The following ADGRL2 variants were observed in gnomAD, a reference collection of about 807,000 sequenced individuals.
The protein encoded by ADGRL2 is adhesion G protein-coupled receptor L2.
Under a neutral mutation model 157.4 loss-of-function variants are expected in ADGRL2, and 44 were observed. The observed-to-expected ratio is 0.28, with a 90% CI of 0.22 to 0.36. ADGRL2 has a LOEUF of 0.36. ADGRL2 is among the 10% of genes least tolerant of loss of function. The pLI is 1.00. For missense variants in ADGRL2, 1,510 were observed against 1,768.9 expected (o/e 0.85, Z 2.63); for synonymous variants, 585 against 624.7 (o/e 0.94, Z 0.95).
intron 2 of ADGRL2, among the ~76,000 whole-genome samples, chr1:81,484,282 G>C (rs1348836504): frequency 1.3e-5 from 2 of 152,046 alleles, no homozygotes; most frequent in Non-Finnish European, 2.9e-5. Flanking sequence ...CTCCTTTCTA[G>C]TTCCAACAAC....
At chr1:81,353,538 A>G (rs1184419447) in intron 1 of ADGRL2, among the ~76,000 whole-genome samples, 1 of 152,160 alleles carries the variant, frequency 6.6e-6, no homozygotes, top group African/African-American at 2.4e-5. Context: ...TTTAAAGACC[A>G]AAACAAGGAA....
intron 1 of ADGRL2, among the ~76,000 whole-genome samples, chr1:81,390,349 G>T (rs1485096004): frequency 6.6e-6 from 1 of 152,310 alleles, no homozygotes; most frequent in Non-Finnish European, 1.5e-5. Flanking sequence ...GAAGAAACTT[G>T]GGAGAGCTGC....
At position 81,528,646 on chromosome 1, in the gene ADGRL2, CAAAAAA is replaced by C. The variant is rs59842382; in HGVS notation, c.-247-52206_-247-52201del. On this transcript the variant is annotated intron_variant, in intron 2 of 24. Transcript: ENST00000370721. ...TGGGCAAAAAAGTGAGACTCCATCT[CAAAAAA>C]AAAAAAAAAAAAAAAAAAAAAAAGA... is the stretch of plus-strand genomic sequence containing the variant. Among the ~76,000 whole-genome samples the C allele has an allele frequency of 2.4e-4, 28 of 114,656 alleles. 1 individual carries two copies. The highest frequency in any genetic ancestry group is 1.0e-3 in the African/African-American group (27 of 26,432). 75.2% of individuals were successfully genotyped at this position (114,656 alleles called of 152,430 possible).
chr1:81,690,774 G>C (rs2083315884), intron 3 of ADGRL2, among the ~76,000 whole-genome samples: 1 of 152,056 alleles, frequency 6.6e-6, no homozygotes, highest in Non-Finnish European at 1.5e-5. Context: ...GATTCCTAAA[G>C]TTATAGAGTA....
intron 1 of ADGRL2, among the ~76,000 whole-genome samples, chr1:81,350,302 A>G (rs951319372): frequency 2.0e-5 from 3 of 152,246 alleles, no homozygotes; most frequent in South Asian, 4.1e-4. Context: ...ATGTTCAGAC[A>G]ATAATTCATC....
intron 1 of ADGRL2, among the ~76,000 whole-genome samples, chr1:81,421,799 G>A (rs949076286): frequency 2.0e-5 from 3 of 151,746 alleles, no homozygotes; most frequent in Non-Finnish European, 4.4e-5. Flanking sequence ...CCTCTTTTTG[G>A]CATACAACAG....
chr1:81,337,136 C>A (rs1661703458), intron 1 of ADGRL2, among the ~76,000 whole-genome samples: 1 of 152,184 alleles, frequency 6.6e-6, no homozygotes, highest in African/African-American at 2.4e-5. Context: ...AGCTCTCCAT[C>A]CCTTCCCACC....
intron 2 of ADGRL2, among the ~76,000 whole-genome samples, chr1:81,778,122 C>A (rs1462589351): frequency 6.6e-6 from 1 of 152,210 alleles, no homozygotes; most frequent in South Asian, 2.1e-4. Context: ...AGATGGAGAC[C>A]ATTTTGGCTA....
intron 2 of ADGRL2, among the ~76,000 whole-genome samples, chr1:81,487,091 C>A (rs79020303): frequency 9.4e-3 from 797 of 85,034 alleles, no homozygotes; most frequent in African/African-American, 0.014. Flanking sequence ...CTCATCTCTA[C>A]AAAAAAAAAA....
chr1:81,459,098 A>G (rs1316615875), intron 2 of ADGRL2, among the ~76,000 whole-genome samples: 1 of 152,106 alleles, frequency 6.6e-6, no homozygotes, highest in Non-Finnish European at 1.5e-5. Flanking sequence ...AAGGGCTCAG[A>G]ATATGGGAGT....
intron 2 of ADGRL2, among the ~76,000 whole-genome samples, chr1:81,544,953 T>A (rs1013141728): frequency 4.6e-5 from 7 of 152,196 alleles, no homozygotes; most frequent in African/African-American, 1.7e-4. Flanking sequence ...TTTGGCCACC[T>A]ACTCACATCT....
intron 3 of ADGRL2, among the ~76,000 whole-genome samples, chr1:81,602,945 C>T (rs138721181): frequency 4.8e-4 from 72 of 150,516 alleles, no homozygotes; most frequent in South Asian, 8.4e-4. Context: ...ACTAGCAGCA[C>T]GAGAGACTGC....
chr1:81,625,478 G>T (rs1165673025), intron 3 of ADGRL2, among the ~76,000 whole-genome samples: 1 of 152,132 alleles, frequency 6.6e-6, no homozygotes, highest in Non-Finnish European at 1.5e-5. Flanking sequence ...AAGAAAAGTT[G>T]TGTTAGATAC....
At chr1:81,477,495 G>A (rs371291173) in intron 2 of ADGRL2, among the ~76,000 whole-genome samples, 21 of 152,316 alleles carry the variant, frequency 1.4e-4, no homozygotes, top group African/African-American at 4.1e-4. Flanking sequence ...AAAGAAACAA[G>A]TTTCCTGGCA....
chr1:81,814,287 C>T (rs552531723), intron 1 of ADGRL2, among the ~76,000 whole-genome samples: 1 of 151,530 alleles, frequency 6.6e-6, no homozygotes, highest in East Asian at 1.9e-4. Flanking sequence ...ATTAATTGTT[C>T]TTGCATCTGT....
chr1:81,320,957 T>C (rs1273883050), intron 1 of ADGRL2, among the ~76,000 whole-genome samples: 2 of 152,234 alleles, frequency 1.3e-5, no homozygotes, highest in African/African-American at 4.8e-5. Flanking sequence ...AGTTAAGTCC[T>C]AGATGGCATC....
At chr1:81,317,084 G>A (rs1660157770) in intron 1 of ADGRL2, among the ~76,000 whole-genome samples, 1 of 152,010 alleles carries the variant, frequency 6.6e-6, no homozygotes, top group African/African-American at 2.4e-5. Context: ...ATTTTGAGAG[G>A]CATTTTTGAT....
chr1:81,308,813 A>T (rs1557584311), intron 1 of ADGRL2, among the ~76,000 whole-genome samples: 1 of 152,208 alleles, frequency 6.6e-6, no homozygotes, highest in Admixed American at 6.5e-5. Context: ...AAATGGTCAC[A>T]GCCTTCAACT....
At chr1:81,638,398 T>A (rs539712888) in intron 3 of ADGRL2, among the ~76,000 whole-genome samples, 74 of 152,176 alleles carry the variant, frequency 4.9e-4, no homozygotes, top group Non-Finnish European at 8.1e-4. Flanking sequence ...TTTCTTATTC[T>A]TAATTGATCT....
Sources: allele counts gnomAD v4.1 joint callset (sites outside exome capture counted in the v4.1 genomes callset), GRCh38; gene constraint gnomAD v4.1.1; transcripts MANE v1.5; gene names NCBI Gene and HGNC (gene_info 2026-07-23, HGNC 2026-07-21).